Variants in DSCAML1 observed in about 807,000 individuals in gnomAD.
The protein encoded by DSCAML1 is cell adhesion molecule DSCAML1.
A neutral mutation model predicts 200.5 loss-of-function variants in DSCAML1; 38 were observed. The ratio of observed to expected loss-of-function variants is 0.19; its 90% CI spans 0.15 to 0.25. The LOEUF is 0.25. DSCAML1 is among the 10% of genes least tolerant of loss of function. DSCAML1 has a pLI of 1.00. For synonymous variants in DSCAML1, 1,215 were observed against 1,165.0 expected (o/e 1.04, Z -0.87); for missense variants, 2,223 against 2,858.8 (o/e 0.78, Z 5.07).
At chr11:117,446,595 T>TTTAAATTTTAA (rs2048181941) in intron 20 of DSCAML1, among the ~76,000 whole-genome samples, 1 of 151,974 alleles carries the variant, frequency 6.6e-6, no homozygotes. Flanking sequence ...ACAACCTAAC[T>TTTAAATTTTAA]AGTAACCAAA....
At chr11:117,797,378 G>A (rs2134081468), upstream of DSCAML1, 3 of 924,200 alleles carry the variant, frequency 3.2e-6, no homozygotes, top group Non-Finnish European at 4.3e-6. Context: ...GAACAGGAGC[G>A]GCGGCCCGGG....
At chr11:117,525,742 G>A (rs1025045699) in intron 4 of DSCAML1, among the ~76,000 whole-genome samples, 2 of 152,178 alleles carry the variant, frequency 1.3e-5, no homozygotes, top group African/African-American at 4.8e-5. Context: ...TTACAGGCCT[G>A]AGCCACCATA....
At chr11:117,570,247 G>A (rs951394535) in intron 3 of DSCAML1, among the ~76,000 whole-genome samples, 1 of 152,088 alleles carries the variant, frequency 6.6e-6, no homozygotes, top group East Asian at 1.9e-4. Flanking sequence ...AAGGATGAAC[G>A]CTTTAGATTT....
chr11:117,675,702 C>T (rs543641611), intron 3 of DSCAML1, among the ~76,000 whole-genome samples: 2 of 152,010 alleles, frequency 1.3e-5, no homozygotes, highest in African/African-American at 2.4e-5. Flanking sequence ...TCCCCCCTTT[C>T]CCCCCAGCAA....
At chr11:117,745,051 A>T (rs562970845) in intron 3 of DSCAML1, among the ~76,000 whole-genome samples, 16 of 152,296 alleles carry the variant, frequency 1.1e-4, no homozygotes, top group African/African-American at 3.4e-4. Flanking sequence ...CACAGATGCA[A>T]CATTGAGTGG....
intron 4 of DSCAML1, among the ~76,000 whole-genome samples, chr11:117,527,289 TCTCCCCAC>T (rs1326793946): frequency 1.3e-5 from 2 of 152,126 alleles, no homozygotes; most frequent in South Asian, 2.1e-4. Context: ...AGTCTCCCCA[TCTCCCCAC>T]CCTCCTGCCC....
intron 3 of DSCAML1, among the ~76,000 whole-genome samples, chr11:117,758,237 C>T (rs961151281): frequency 1.3e-5 from 2 of 150,410 alleles, no homozygotes; most frequent in Non-Finnish European, 3.0e-5. Flanking sequence ...GAGGCGGAGG[C>T]TGTGGTGAGC....
At chr11:117,783,829 C>G (rs1234101046) in intron 1 of DSCAML1, among the ~76,000 whole-genome samples, 1 of 152,154 alleles carries the variant, frequency 6.6e-6, no homozygotes, top group Admixed American at 6.5e-5. Flanking sequence ...CTTCCTCCAC[C>G]CCAACCGCAT....
At chr11:117,694,459 C>G (rs2053553439) in intron 3 of DSCAML1, among the ~76,000 whole-genome samples, 1 of 151,980 alleles carries the variant, frequency 6.6e-6, no homozygotes, top group South Asian at 2.1e-4. Context: ...GAAACCTGTT[C>G]TGTTCGTGTC....
intron 18 of DSCAML1, among the ~76,000 whole-genome samples, chr11:117,460,388 C>T (rs995088375): frequency 2.6e-5 from 4 of 151,960 alleles, no homozygotes; most frequent in Non-Finnish European, 5.9e-5. Flanking sequence ...GAGAGGGGAC[C>T]GTAGTAGCGC....
intron 3 of DSCAML1, among the ~76,000 whole-genome samples, chr11:117,637,276 T>C (rs2052309106): frequency 6.6e-6 from 1 of 152,142 alleles, no homozygotes; most frequent in Non-Finnish European, 1.5e-5. Flanking sequence ...ATGAGTTTCT[T>C]AACAGCAGAG....
At chr11:117,694,971 A>G (rs2053562700) in intron 3 of DSCAML1, among the ~76,000 whole-genome samples, 1 of 152,236 alleles carries the variant, frequency 6.6e-6, no homozygotes, top group African/African-American at 2.4e-5. Flanking sequence ...CTTGACCTTC[A>G]GCCTTTAGGT....
At chr11:117,656,529 A>ATCTG in intron 3 of DSCAML1, among the ~76,000 whole-genome samples, 1 of 151,930 alleles carries the variant, frequency 6.6e-6, no homozygotes, top group Admixed American at 6.6e-5. Flanking sequence ...CTATCTATCT[A>ATCTG]TCTATCTATC....
chr11:117,626,440 G>A (rs2052048790), intron 3 of DSCAML1, among the ~76,000 whole-genome samples: 1 of 152,156 alleles, frequency 6.6e-6, no homozygotes, highest in Non-Finnish European at 1.5e-5. Flanking sequence ...TTAATCCAAA[G>A]ATTTATACTT....
intron 22 of DSCAML1, 56 bp from the exon 23 acceptor site, chr11:117,439,485 G>A (rs1303155570): frequency 6.3e-7 from 1 of 1,578,414 alleles, no homozygotes; most frequent in Non-Finnish European, 8.6e-7. Context: ...TTCCTCCTGA[G>A]GCCCTCCCCC....
intron 3 of DSCAML1, among the ~76,000 whole-genome samples, chr11:117,585,438 T>C (rs552533363): frequency 6.6e-5 from 10 of 152,202 alleles, no homozygotes; most frequent in African/African-American, 2.4e-4. Flanking sequence ...TTAATAGAGA[T>C]AGGCTTTCAC....
chr11:117,775,554 G>C (rs1055633864), intron 3 of DSCAML1, among the ~76,000 whole-genome samples: 1 of 152,046 alleles, frequency 6.6e-6, no homozygotes, highest in African/African-American at 2.4e-5. Flanking sequence ...GCTTGGAACT[G>C]AGAGAAGGAA....
intron 3 of DSCAML1, among the ~76,000 whole-genome samples, chr11:117,632,394 C>T (rs1038758528): frequency 2.0e-5 from 3 of 152,174 alleles, no homozygotes; most frequent in South Asian, 2.1e-4. Context: ...TCAGCTTTCC[C>T]CTAAGCCTGT....
intron 3 of DSCAML1, among the ~76,000 whole-genome samples, chr11:117,716,716 A>T (rs994736242): frequency 6.6e-6 from 1 of 152,130 alleles, no homozygotes; most frequent in East Asian, 1.9e-4. Context: ...GGTTGGGGGG[A>T]AAAAGAAAAC....
Sources: gnomAD v4.1 joint callset for allele counts (sites outside exome capture counted in the v4.1 genomes callset) on GRCh38, gnomAD v4.1.1 for gene constraint, MANE v1.5 for transcripts, NCBI Gene and HGNC (gene_info 2026-07-23, HGNC 2026-07-21) for gene names.